EIF4G3: variants seen among roughly 807,000 people sequenced by gnomAD.
The protein encoded by EIF4G3 is eIF-4-gamma 3.
EIF4G3 carries 34 observed loss-of-function variants against 186.4 expected under a neutral mutation model. That is an observed-to-expected ratio of 0.18 (90% CI 0.14 to 0.24). EIF4G3 has a LOEUF of 0.24. Ranked by LOEUF, EIF4G3 falls within the 10% of genes least tolerant of loss-of-function variation. The pLI is 1.00. For missense variants in EIF4G3, 1,536 were observed against 1,948.5 expected, an observed-to-expected ratio of 0.79 and a Z score of 3.99; for synonymous variants, 673 against 679.5, an observed-to-expected ratio of 0.99 and a Z score of 0.15.
chr1:20,969,877 C>A (rs925257799), intron 11 of EIF4G3, among the ~76,000 whole-genome samples: 1 of 152,068 alleles, frequency 6.6e-6, no homozygotes, highest in African/African-American at 2.4e-5. Flanking sequence ...TTGTAAGAAC[C>A]TGTAAGACTG....
chr1:21,032,969 G>T (rs2092869009), intron 4 of EIF4G3, among the ~76,000 whole-genome samples: 2 of 152,140 alleles, frequency 1.3e-5, no homozygotes, highest in Admixed American at 1.3e-4. Flanking sequence ...GCTTCTCAAA[G>T]AAACTAGTAA....
chr1:21,086,176 A>C (rs2095968463), intron 3 of EIF4G3, among the ~76,000 whole-genome samples: 1 of 149,440 alleles, frequency 6.7e-6, no homozygotes, highest in Non-Finnish European at 1.5e-5. Context: ...ACCAAGAAAA[A>C]TATCCATTAC....
chr1:21,133,709 G>A (rs2097193056), intron 2 of EIF4G3, among the ~76,000 whole-genome samples: 1 of 152,126 alleles, frequency 6.6e-6, no homozygotes, highest in Non-Finnish European at 1.5e-5. Context: ...TCTAACAATT[G>A]AAGCTAATAA....
intron 4 of EIF4G3, among the ~76,000 whole-genome samples, chr1:21,024,023 A>G (rs969787802): frequency 2.1e-5 from 3 of 141,456 alleles, no homozygotes; most frequent in African/African-American, 8.0e-5. Flanking sequence ...TCTGCCTGGC[A>G]ACCACCCCGT....
intron 4 of EIF4G3, among the ~76,000 whole-genome samples, chr1:21,019,096 C>G (rs569430554): frequency 6.6e-6 from 1 of 152,154 alleles, no homozygotes; most frequent in Non-Finnish European, 1.5e-5. Context: ...TCATAGCTCA[C>G]TGCAGCCTAG....
At chr1:21,135,744 T>C (rs547819262) in intron 2 of EIF4G3, among the ~76,000 whole-genome samples, 1 of 152,286 alleles carries the variant, frequency 6.6e-6, no homozygotes, top group African/African-American at 2.4e-5. Flanking sequence ...AATTCATGTA[T>C]AACTAATATG....
At chr1:20,979,177 T>C (rs1395310906) in intron 10 of EIF4G3, among the ~76,000 whole-genome samples, 1 of 152,226 alleles carries the variant, frequency 6.6e-6, no homozygotes, top group Non-Finnish European at 1.5e-5. Flanking sequence ...AAAAATTTGT[T>C]GAATGAAGTA....
intron 33 of EIF4G3, among the ~76,000 whole-genome samples, chr1:20,819,206 G>A (rs2061719328): frequency 6.6e-6 from 1 of 152,068 alleles, no homozygotes; most frequent in African/African-American, 2.4e-5. Context: ...CAAACTGTAA[G>A]TCAAGATACA....
chr1:20,908,192 CTTTT>C (rs2092589277), intron 14 of EIF4G3, among the ~76,000 whole-genome samples: 1 of 152,062 alleles, frequency 6.6e-6, no homozygotes, highest in Non-Finnish European at 1.5e-5. Flanking sequence ...TAAATGTCTT[CTTTT>C]GAGAAGTGTC....
rs1269763807 is a variant in EIF4G3, at chr1:21,176,242, C to G, written c.-339G>C. Reference sequence around the variant, plus strand: ...GGAGGGGGGACCGCTGCCGCCGCCGCCGCCGCCGCCGCCGCCGCCGCCGCT... The same window carrying G: ...GGAGGGGGGACCGCTGCCGCCGCCGGCGCCGCCGCCGCCGCCGCCGCCGCT... On this transcript the variant is annotated 5_prime_UTR_variant, in exon 2 of 37. Transcript: ENST00000602326. 3 of 370,442 alleles carry G rather than the reference C, an allele frequency of 8.1e-6. No homozygotes were observed. The highest frequency in any genetic ancestry group is 1.4e-5 in the Non-Finnish European group (3 of 213,882). 22.9% of individuals were successfully genotyped at this position (370,442 alleles called of 1,614,324 possible).
chr1:21,080,018 G>A (rs1572207408), intron 3 of EIF4G3, among the ~76,000 whole-genome samples: 2 of 152,058 alleles, frequency 1.3e-5, no homozygotes, highest in Middle Eastern at 6.8e-3. Flanking sequence ...AGGCGTGGTG[G>A]TGGGTGCCTG....
rs554345184 is a variant in EIF4G3 at position 20,972,806 on chromosome 1, T to A, written c.591+196A>T. Reference sequence around the variant, plus strand: ...CAGTGAATAATTAAAGATGATATTATGCAAATGGTATGAACAACTTCTAAT... The same window carrying A: ...CAGTGAATAATTAAAGATGATATTAAGCAAATGGTATGAACAACTTCTAAT... On this transcript the variant is annotated intron_variant, in intron 11 of 36. Coordinates refer to ENST00000602326, the MANE Select transcript of EIF4G3 (RefSeq NM_001391906.1). Among the ~76,000 whole-genome samples, 4 of 151,860 alleles carry A rather than the reference T, an allele frequency of 2.6e-5. No individual in the cohort carries two copies. The South Asian group carries it at 6.2e-4, about 24-fold the overall frequency.
intron 2 of EIF4G3, among the ~76,000 whole-genome samples, chr1:21,136,159 C>T (rs553835997): frequency 2.6e-5 from 4 of 151,172 alleles, no homozygotes; most frequent in East Asian, 2.0e-4. Context: ...GTCCGCAGTC[C>T]GGCCTGGGCG....
Position 20,840,938 on chromosome 1 carries a change from G to T in EIF4G3, c.3979C>A (p.Gln1327Lys), listed in dbSNP as rs200144644. 6 of 1,614,004 alleles carry T rather than the reference G, an allele frequency of 3.7e-6. No individual in the cohort carries two copies. The Admixed American group carries it at 8.3e-5, about 22-fold the overall frequency. Residue 1327 changes from glutamine (Q) to lysine (K), a missense_variant, in exon 30 of 37, where the codon CAG (glutamine) becomes AAG (lysine). Physicochemically the swap from Gln to Lys is moderately conservative, Grantham distance 53. This residue lies in a region of EIF4G3 where 395 missense variants were observed against 498.9 expected (regional missense o/e 0.79). Coordinates refer to ENST00000602326, the MANE Select transcript of EIF4G3 (RefSeq NM_001391906.1). ...VGVESTLERS[Q>K]ITRDHMGQLL... Reference sequence around the variant, plus strand: ...TGGCCCATGTGATCCCTGGTGATCTGGCTCCTTTCCAGGGTGGACTCCACT... The same window carrying T: ...TGGCCCATGTGATCCCTGGTGATCTTGCTCCTTTCCAGGGTGGACTCCACT...
At chr1:20,975,398 A>C (rs1020163489) in intron 10 of EIF4G3, among the ~76,000 whole-genome samples, 5 of 151,836 alleles carry the variant, frequency 3.3e-5, no homozygotes, top group Non-Finnish European at 7.4e-5. Flanking sequence ...AAAAAAAAAA[A>C]AACCTGGATT....
chr1:20,814,433 G>GTACATTTGGAAGTA (rs2059936537), intron 34 of EIF4G3, among the ~76,000 whole-genome samples: 2 of 152,074 alleles, frequency 1.3e-5, no homozygotes, highest in African/African-American at 4.8e-5. Flanking sequence ...ACAGTGTTAT[G>GTACATTTGGAAGTA]TACTTGTACA....
At chr1:20,887,827 G>A (rs1337620144) in intron 18 of EIF4G3, among the ~76,000 whole-genome samples, 1 of 152,064 alleles carries the variant, frequency 6.6e-6, no homozygotes, top group Non-Finnish European at 1.5e-5. Context: ...TAGCCCAGAA[G>A]AAACAATTCT....
In EIF4G3 at chr1:20,886,247, T is replaced by C. The variant is rs781607687; in HGVS notation, c.2378A>G (p.Gln793Arg). The C allele has an allele frequency of 1.9e-6, 3 of 1,614,094 alleles. No homozygotes were observed. Among genetic ancestry groups the C allele is most frequent in the Admixed American group, 3.3e-5 (2 of 60,002 alleles). ...ATCATCGGCTTGGCTGTCTCGTTTT[T>C]GGCTTGGCTTCCAGGCATTTTCTGC... ...KKAENAWKPSQKRDSQADDPE... is the reference protein window; with the variant it reads ...KKAENAWKPSRKRDSQADDPE... Residue 793 changes from glutamine (Q) to arginine (R), a missense_variant, in exon 19 of 37, where the codon CAA becomes CGA. Gln to Arg is a conservative substitution (Grantham distance 43). Around this residue, in one of 11 missense-constraint regions of EIF4G3, gnomAD observed 139 missense variants for 192.8 expected, o/e 0.72. Transcript: ENST00000602326.
chr1:20,948,519 C>T (rs1368696983), intron 13 of EIF4G3, among the ~76,000 whole-genome samples: 1 of 152,056 alleles, frequency 6.6e-6, no homozygotes, highest in East Asian at 1.9e-4. Context: ...CTTCTCAATA[C>T]TCAGGGGGAA....
Sources: allele counts gnomAD v4.1 joint callset (sites outside exome capture counted in the v4.1 genomes callset), GRCh38; gene constraint gnomAD v4.1.1; regional missense constraint gnomAD v4.1.1; transcripts MANE v1.5; gene names NCBI Gene and HGNC (gene_info 2026-07-23, HGNC 2026-07-21).